ANKH: variants seen among roughly 807,000 people sequenced by gnomAD.
ANKH encodes ANKH inorganic pyrophosphate transport regulator, also known as mineralization regulator ANKH.
Under a neutral mutation model 49.0 loss-of-function variants are expected in ANKH, and 15 were observed. The observed-to-expected ratio is 0.31, with a 90% CI of 0.20 to 0.47. The LOEUF is 0.47. ANKH is among the 20% of genes least tolerant of loss of function. ANKH has a pLI of 1.00. For synonymous variants in ANKH, 273 were observed against 260.0 expected, an observed-to-expected ratio of 1.05 and a Z score of -0.48; for missense variants, 429 against 652.0, an observed-to-expected ratio of 0.66 and a Z score of 3.72.
intron 1 of ANKH, among the ~76,000 whole-genome samples, chr5:14,775,976 G>A (rs1739607127): frequency 6.6e-6 from 1 of 152,224 alleles, no homozygotes; most frequent in Admixed American, 6.5e-5. Flanking sequence ...GAGTAGTGGA[G>A]AGGGAGAGTG....
At chr5:14,786,715 T>C (rs568994540) in intron 1 of ANKH, among the ~76,000 whole-genome samples, 59 of 152,350 alleles carry the variant, frequency 3.9e-4, no homozygotes, top group South Asian at 1.2e-3. Context: ...TCAGATAGTA[T>C]TGGTGGGTGT....
chr5:14,759,779 AAGAGG>A (rs1281204562), intron 2 of ANKH, among the ~76,000 whole-genome samples: 29 of 137,204 alleles, frequency 2.1e-4, no homozygotes, highest in African/African-American at 7.6e-4. Context: ...AAGAAAAAAG[AAGAGG>A]AGAGGGGAGG....
In ANKH at chr5:14,867,155, CAAAAAAA is replaced by C. The variant is rs774841903; in HGVS notation, c.96+4190_96+4196del. ...CTGGGCAACAAGTGAGACTCAGTCT[CAAAAAAA>C]AAAAAAAAAAAAAAAATTCAATATA... On this transcript the variant is annotated intron_variant, in intron 1 of 11. Coordinates refer to ENST00000284268, the MANE Select transcript of ANKH (RefSeq NM_054027.6). 8.7e-5 allele frequency among the ~76,000 whole-genome samples: 6 copies of C among 69,280 alleles called. No individual in the cohort carries two copies. In the East Asian group the frequency reaches 1.4e-3, roughly 16 times the overall value. 45.5% of individuals were successfully genotyped at this position (69,280 alleles called of 152,430 possible). A position where few individuals can be genotyped will look rare whatever the true frequency, so the allele number is the denominator to read the frequency against.
At chr5:14,809,859 C>T (rs1016833172) in intron 1 of ANKH, among the ~76,000 whole-genome samples, 1 of 151,908 alleles carries the variant, frequency 6.6e-6, no homozygotes, top group Non-Finnish European at 1.5e-5. Context: ...CTCGGTGTGA[C>T]CCTAGAGCGT....
At chr5:14,711,983 C>T (rs1194112901) in intron 11 of ANKH, among the ~76,000 whole-genome samples, 1 of 152,252 alleles carries the variant, frequency 6.6e-6, no homozygotes, top group South Asian at 2.1e-4. Context: ...ATCCCACCAA[C>T]CCTTCATTGT....
At chr5:14,724,464 G>T (rs1243046969) in intron 8 of ANKH, 16 of 783,546 alleles carry the variant, frequency 2.0e-5, no homozygotes, top group African/African-American at 3.8e-5. Context: ...GAAAAACTTT[G>T]ACCACATATT....
intron 1 of ANKH, among the ~76,000 whole-genome samples, chr5:14,843,146 C>T (rs562847170): frequency 3.0e-4 from 46 of 151,320 alleles, no homozygotes; most frequent in African/African-American, 1.1e-3. Flanking sequence ...CCCTAACAAA[C>T]GAGACCTTTG....
In ANKH at chr5:14,844,353, T is replaced by C. The variant is rs561713523; in HGVS notation, c.96+26999A>G. On this transcript the variant is annotated intron_variant, in intron 1 of 11. Coordinates refer to ENST00000284268, the MANE Select transcript of ANKH (RefSeq NM_054027.6). ...CCCTACTTTTGGCCTAAGGTGTTTC[T>C]AGCAAAATGCAGTGTTTTAGTGCTT... 2.3e-3 allele frequency among the ~76,000 whole-genome samples: 358 copies of C among 152,376 alleles called. 2 individuals are homozygous for C. Among genetic ancestry groups the C allele is most frequent in the African/African-American group, 8.3e-3 (345 of 41,592 alleles).
At chr5:14,724,184 G>A (rs909822787) in intron 8 of ANKH, among the ~76,000 whole-genome samples, 1 of 152,124 alleles carries the variant, frequency 6.6e-6, no homozygotes, top group African/African-American at 2.4e-5. Flanking sequence ...AGGCGTGGTG[G>A]TGTGCACCTG....
At chr5:14,773,457 C>T (rs1005726999) in intron 1 of ANKH, among the ~76,000 whole-genome samples, 3 of 147,458 alleles carry the variant, frequency 2.0e-5, no homozygotes, top group Non-Finnish European at 3.0e-5. Flanking sequence ...GACTTGAGTC[C>T]TCAAGCCAGT....
At chr5:14,777,399 G>T (rs541491823) in intron 1 of ANKH, among the ~76,000 whole-genome samples, 1 of 152,304 alleles carries the variant, frequency 6.6e-6, no homozygotes, top group African/African-American at 2.4e-5. Context: ...ACTGTGTTCT[G>T]TTGCCTGATT....
In ANKH at chr5:14,713,864, G is replaced by C. The variant is rs994109959; in HGVS notation, c.1142-197C>G. ...GAGCCTAGGCCCGCCTCGGCTCCCC[G>C]CCTCCTCACAGCCCTTTGGATCTAA... On this transcript the variant is annotated intron_variant, in intron 9 of 11. Coordinates refer to ENST00000284268, the MANE Select transcript of ANKH (RefSeq NM_054027.6). The surrounding 1 kb of genome is among the most constrained non-coding windows in gnomAD (Gnocchi z 4.4). Among the ~76,000 whole-genome samples, 1 of 152,158 alleles carries C rather than the reference G, an allele frequency of 6.6e-6. No homozygotes were observed. The highest frequency in any genetic ancestry group is 1.5e-5 in the Non-Finnish European group (1 of 68,016).
intron 8 of ANKH, among the ~76,000 whole-genome samples, chr5:14,723,260 G>A (rs1031972070): frequency 5.9e-5 from 9 of 151,870 alleles, no homozygotes; most frequent in Non-Finnish European, 8.8e-5. Flanking sequence ...TGTAACATGC[G>A]CGCTGCAGTA....
intron 1 of ANKH, among the ~76,000 whole-genome samples, chr5:14,844,250 A>G (rs1174066596): frequency 1.3e-5 from 2 of 152,172 alleles, no homozygotes; most frequent in Non-Finnish European, 2.9e-5. Context: ...CTATAGACCT[A>G]TCTTTCTCTG....
chr5:14,838,244 C>T (rs1741714013), intron 1 of ANKH, among the ~76,000 whole-genome samples: 1 of 151,716 alleles, frequency 6.6e-6, no homozygotes, highest in South Asian at 2.1e-4. Flanking sequence ...CACATGTACC[C>T]TAGAACTTAA....
At chr5:14,862,150 C>G (rs190610600) in intron 1 of ANKH, among the ~76,000 whole-genome samples, 2 of 152,148 alleles carry the variant, frequency 1.3e-5, no homozygotes, top group African/African-American at 4.8e-5. Context: ...GCAGGGGAAT[C>G]GCTTGAACCC....
chr5:14,753,080 G>A (rs1445539748), intron 4 of ANKH, among the ~76,000 whole-genome samples: 1 of 152,184 alleles, frequency 6.6e-6, no homozygotes, highest in Non-Finnish European at 1.5e-5. Context: ...ACCCAGAGGA[G>A]TGGCCCTGGA....
At chr5:14,723,410 C>T (rs926835156) in intron 8 of ANKH, among the ~76,000 whole-genome samples, 13 of 151,336 alleles carry the variant, frequency 8.6e-5, no homozygotes, top group African/African-American at 2.7e-4. Context: ...GCCTGTAATT[C>T]CAGCACTTTG....
At chr5:14,848,113 C>CGAG (rs1561082619) in intron 1 of ANKH, among the ~76,000 whole-genome samples, 1 of 152,198 alleles carries the variant, frequency 6.6e-6, no homozygotes, top group South Asian at 2.1e-4. Context: ...ACACTCCAGC[C>CGAG]TGGCGATGGA....
Sources: gnomAD v4.1 joint callset for allele counts (sites outside exome capture counted in the v4.1 genomes callset) on GRCh38, gnomAD v4.1.1 for gene constraint, Gnocchi (gnomAD v3.1) non-coding constraint, MANE v1.5 for transcripts, NCBI Gene and HGNC (gene_info 2026-07-23, HGNC 2026-07-21) for gene names.